SREBF1: variants seen among roughly 807,000 people sequenced by gnomAD.
SREBF1 encodes sterol regulatory element-binding protein 1.
Under a neutral mutation model 100.1 loss-of-function variants are expected in SREBF1, and 45 were observed. The ratio of observed to expected loss-of-function variants is 0.45; its 90% confidence interval spans 0.35 to 0.58. The LOEUF is 0.58. Ranked by LOEUF, SREBF1 falls within the 20% of genes least tolerant of loss-of-function variation. The pLI is 0.00. For missense variants in SREBF1, 1,324 were observed against 1,539.4 expected, an observed-to-expected ratio of 0.86 and a Z score of 2.34; for synonymous variants, 657 against 681.8, an observed-to-expected ratio of 0.96 and a Z score of 0.57.
At chr17:17,816,780 A>T in intron 9 of SREBF1, 62 bp from the exon 10 acceptor site, 1 of 1,568,364 alleles carries the variant, frequency 6.4e-7, no homozygotes, top group Non-Finnish European at 8.6e-7. Context: ...CAAAGCTCAG[A>T]AGAGCCGTCC....
chr17:17,825,274 T>A (rs1240764206), intron 1 of SREBF1, among the ~76,000 whole-genome samples: 1 of 152,236 alleles, frequency 6.6e-6, no homozygotes, highest in Non-Finnish European at 1.5e-5. Context: ...TGCCTCTTAT[T>A]GTGTCTTTAT....
chr17:17,819,804 G>A (rs902031673), intron 2 of SREBF1, 79 bp from the exon 3 acceptor site: 247 of 1,482,030 alleles, frequency 1.7e-4, no homozygotes, highest in Non-Finnish European at 1.8e-4. Context: ...CTCTATCACC[G>A]ACTGGCCTTG....
At chr17:17,823,505 C>T (rs768202611) in intron 1 of SREBF1, 38 of 1,596,708 alleles carry the variant, frequency 2.4e-5, no homozygotes, top group Non-Finnish European at 3.1e-5. Context: ...GGTGGGGAGG[C>T]CTCCAAAAAT....
chr17:17,811,843 G>T lies in SREBF1; in HGVS notation c.*779C>A, dbSNP rs2032886662. The stretch of plus-strand genomic sequence containing the variant: ...CAACTGACCCCATGGAGGCCCTAAG[G>T]GTTGACACAGCCCAACCATGTGCCC... On this transcript the variant is annotated 3_prime_UTR_variant, in exon 19 of 19. Coordinates refer to ENST00000261646, the MANE Select transcript of SREBF1 (RefSeq NM_004176.5). 1 of 446,094 alleles carries T rather than the reference G, an allele frequency of 2.2e-6. No individual in the cohort carries two copies. The highest frequency in any genetic ancestry group is 2.5e-5 in the Admixed American group (1 of 40,480). The allele number at this position is 446,094 out of a possible 1,614,324, so 27.6% of individuals were successfully genotyped here.
In SREBF1 at chr17:17,814,825, G is replaced by A. The variant is rs751359227; in HGVS notation, c.2602+10C>T. ...TGAGAAGGGAGCCAGGACAGGGGCC[G>A]GGGACTCACCGGTGGTGGTGGCCAT... On this transcript the variant is annotated intron_variant, in intron 14 of 18. Coordinates refer to ENST00000261646, the MANE Select transcript of SREBF1 (RefSeq NM_004176.5). 8.7e-6 allele frequency: 14 copies of A among 1,600,666 alleles called. No individual in the cohort carries two copies. Among genetic ancestry groups the A allele is most frequent in the South Asian group, 4.5e-5 (4 of 89,208 alleles).
In SREBF1 at chr17:17,816,363, T is replaced by C; in HGVS notation, c.2058A>G (p.Thr686=). Residue 686 remains threonine (T), a synonymous_variant, in exon 11 of 19, where the codon ACA becomes ACG. Transcript: ENST00000261646. ...LHQLHTMGKH[T]GGHLTATNLA... ...GGTTGGTGGCAGTGAGGTGCCCGCC[T>C]GTGTGCTTCCCTGGAAGGCAAGCAG... 1 of 1,587,570 alleles carries C rather than the reference T, an allele frequency of 6.3e-7. No individual in the cohort carries two copies. The highest frequency in any genetic ancestry group is 8.6e-7 in the Non-Finnish European group (1 of 1,168,890).
Position 17,818,231 on chromosome 17 carries a change from G to A in SREBF1, c.1183+29C>T, listed in dbSNP as rs369140201. The A allele has an allele frequency of 1.3e-5, 20 of 1,587,158 alleles. No homozygotes were observed. The African/African-American group carries it at 2.3e-4, about 18-fold the overall frequency. Reference sequence around the variant, plus strand: ...TGGAGCAAGGCTAGAGAAGAGGCCAGACTGGAGCTCAATAAAGCCAGGACT... The same window carrying A: ...TGGAGCAAGGCTAGAGAAGAGGCCAAACTGGAGCTCAATAAAGCCAGGACT... On this transcript the variant is annotated intron_variant, in intron 6 of 18. Coordinates refer to ENST00000261646, the MANE Select transcript of SREBF1 (RefSeq NM_004176.5).
intron 16 of SREBF1, 125 bp downstream of exon 16, chr17:17,814,120 C>G: frequency 8.8e-7 from 1 of 1,133,312 alleles, no homozygotes; most frequent in Non-Finnish European, 1.3e-6. Context: ...TCTGCTGGAC[C>G]CCCTATCCTG....
chr17:17,819,913 G>A (rs1339723894), intron 2 of SREBF1, 177 bp downstream of exon 2: 18 of 1,147,966 alleles, frequency 1.6e-5, no homozygotes, highest in African/African-American at 7.8e-5. Flanking sequence ...GCGAGGTTGC[G>A]CCTACCCCGG....
In SREBF1 at chr17:17,829,654, GTTTGT is replaced by G. The variant is rs1178512684; in HGVS notation, c.91+7068_91+7072del. Among the ~76,000 whole-genome samples the G allele has an allele frequency of 8.5e-5, 13 of 152,266 alleles. No homozygotes were observed. In the East Asian group the frequency reaches 2.5e-3, roughly 29 times the overall value. On this transcript the variant is annotated intron_variant, in intron 1 of 18. Coordinates refer to ENST00000261646, the MANE Select transcript of SREBF1 (RefSeq NM_004176.5). ...CTTCCTCAGCAGGTTCTTTTTGTTT[GTTTGT>G]TTTGAGACAGGGCCTCACTATGTTG...
In SREBF1 at chr17:17,817,344, C is replaced by G. The variant is rs367758777; in HGVS notation, c.1518G>C (p.Leu506Phe). The change falls in exon 8 of 19, where the codon TTG becomes TTC. Residue 506 changes from leucine (L) to phenylalanine (F), a missense_variant. Physicochemically the swap from Leu to Phe is conservative, Grantham distance 22. Coordinates refer to ENST00000261646, the MANE Select transcript of SREBF1 (RefSeq NM_004176.5). This position sits in a 1 kb window ranked among gnomAD's most constrained non-coding sequence, Gnocchi z 6.6. Reference protein sequence around the residue: ...LCLSCNPLASLLGARGLPSPS... With the variant: ...LCLSCNPLASFLGARGLPSPS... ...GGCTGGGAAGCCCCCGGGCCCCCAG[C>G]AAGGAGGCCAAGGGGTTGCAGGACA... 1.5e-5 allele frequency: 24 copies of G among 1,607,030 alleles called. No individual in the cohort carries two copies. The highest frequency in any genetic ancestry group is 2.0e-5 in the Non-Finnish European group (24 of 1,177,748).
intron 1 of SREBF1, among the ~76,000 whole-genome samples, chr17:17,834,534 G>A (rs929060198): frequency 6.6e-6 from 1 of 152,256 alleles, no homozygotes; most frequent in African/African-American, 2.4e-5. Flanking sequence ...GCTGAGCCCT[G>A]CCTAGTGAGA....
At chr17:17,826,832 C>T (rs186504593) in intron 1 of SREBF1, among the ~76,000 whole-genome samples, 1 of 152,346 alleles carries the variant, frequency 6.6e-6, no homozygotes, top group East Asian at 1.9e-4. Context: ...TCATGGCATG[C>T]GCTTGTAGGG....
intron 5 of SREBF1, chr17:17,818,728 C>T (rs1348964410): frequency 1.6e-5 from 9 of 572,918 alleles, no homozygotes; most frequent in Non-Finnish European, 2.2e-5. Context: ...TTCATCCTGC[C>T]TACTGTCCAT....
chr17:17,819,530 C>T lies in SREBF1; in HGVS notation c.711+8G>A. On this transcript the variant is annotated splice_region_variant and intron_variant, in intron 3 of 18. Coordinates refer to ENST00000261646, the MANE Select transcript of SREBF1 (RefSeq NM_004176.5). Reference sequence around the variant, plus strand: ...CCCCCTCCCCAACCCCTGGCCAGACCCCCTCACCGGGACCTGCTGGATCTG... The same window carrying T: ...CCCCCTCCCCAACCCCTGGCCAGACTCCCTCACCGGGACCTGCTGGATCTG... 1.2e-6 allele frequency: 2 copies of T among 1,613,572 alleles called. No individual in the cohort carries two copies. Among genetic ancestry groups the T allele is most frequent in the South Asian group, 1.1e-5 (1 of 91,074 alleles).
At chr17:17,818,961 C>A in intron 5 of SREBF1, 52 bp downstream of exon 5, 1 of 1,586,700 alleles carries the variant, frequency 6.3e-7, no homozygotes, top group Non-Finnish European at 8.6e-7. Flanking sequence ...TGCCCCTGAT[C>A]TGTTCCTTCC....
In SREBF1 at chr17:17,820,131, G is replaced by A. The variant is rs1274352529; in HGVS notation, c.482C>T (p.Pro161Leu). The change falls in exon 2 of 19, where the codon CCT becomes CTT. Residue 161 changes from proline to leucine, a missense_variant. Coordinates refer to ENST00000261646, the MANE Select transcript of SREBF1 (RefSeq NM_004176.5). ...CGGAGGGCTGGGGTAGCCTAACACAGGGGTGGAGCTGAACTGCGGTGGGGC... is the reference window on the plus strand; with the variant it reads ...CGGAGGGCTGGGGTAGCCTAACACAAGGGTGGAGCTGAACTGCGGTGGGGC... Reference protein sequence around the residue: ...APAPPQFSSTPVLGYPSPPGG... With the variant: ...APAPPQFSSTLVLGYPSPPGG... 13 of 1,613,128 alleles carry A rather than the reference G, an allele frequency of 8.1e-6. No individual in the cohort carries two copies. Among genetic ancestry groups the A allele is most frequent in the Non-Finnish European group, 1.1e-5 (13 of 1,179,786 alleles).
intron 1 of SREBF1, among the ~76,000 whole-genome samples, chr17:17,834,027 C>CAGAGAGAG (rs58189290): frequency 6.8e-5 from 10 of 147,996 alleles, no homozygotes; most frequent in Admixed American, 1.3e-4. Context: ...TATAAACACA[C>CAGAGAGAG]AGAGAGAGAG....
chr17:17,836,580 G>T (rs1449892155), intron 1 of SREBF1, 147 bp downstream of exon 1: 2 of 806,246 alleles, frequency 2.5e-6, no homozygotes, highest in East Asian at 3.0e-5. Context: ...TGAGGCTCGG[G>T]ACACCGAGCT....
Sources: allele counts gnomAD v4.1 joint callset (sites outside exome capture counted in the v4.1 genomes callset), GRCh38; gene constraint gnomAD v4.1.1; non-coding constraint Gnocchi (gnomAD v3.1); transcripts MANE v1.5; gene names NCBI Gene and HGNC (gene_info 2026-07-23, HGNC 2026-07-21).